GREB1L: variants seen among roughly 807,000 people sequenced by gnomAD.
GREB1L encodes the protein GREB1-like protein.
In GREB1L, 17 loss-of-function variants were observed where a neutral mutation model predicts 200.8. The observed-to-expected ratio is 0.08, with a 90% CI of 0.06 to 0.13. The LOEUF is 0.13. Among genes scored for constraint, GREB1L ranks in the 10% least tolerant of loss-of-function variants. GREB1L has a pLI of 1.00. For synonymous variants in GREB1L, 789 were observed against 893.0 expected (o/e 0.88, Z 2.08); for missense variants, 1,657 against 2,367.7 (o/e 0.70, Z 6.23).
intron 1 of GREB1L, among the ~76,000 whole-genome samples, chr18:21,295,740 G>A (rs1225976917): frequency 6.6e-6 from 1 of 152,192 alleles, no homozygotes; most frequent in Non-Finnish European, 1.5e-5. Flanking sequence ...GTCTTTCAAG[G>A]AGGGCAGGAC....
intron 3 of GREB1L, 35 bp from the exon 4 acceptor site, chr18:21,384,171 T>C: frequency 7.4e-7 from 1 of 1,356,056 alleles, no homozygotes; most frequent in African/African-American, 1.5e-5. Context: ...AAGCATCTTT[T>C]TATTAAATCT....
intron 1 of GREB1L, among the ~76,000 whole-genome samples, chr18:21,300,771 T>C (rs1266085953): frequency 6.6e-6 from 1 of 152,202 alleles, no homozygotes; most frequent in Admixed American, 6.6e-5. Flanking sequence ...AAACACTCCC[T>C]CCTCACCCCT....
chr18:21,488,347 C>T (rs1280909506), intron 18 of GREB1L, among the ~76,000 whole-genome samples: 2 of 152,156 alleles, frequency 1.3e-5, no homozygotes, highest in East Asian at 3.9e-4. Flanking sequence ...CATCTTGGTC[C>T]TTTCCAGTTC....
At chr18:21,486,952 G>A (rs1446904140) in intron 18 of GREB1L, among the ~76,000 whole-genome samples, 2 of 152,208 alleles carry the variant, frequency 1.3e-5, no homozygotes, top group African/African-American at 4.8e-5. Flanking sequence ...AAATTAAAAT[G>A]AGGACCTATG....
At chr18:21,353,456 A>G (rs560792423) in intron 1 of GREB1L, among the ~76,000 whole-genome samples, 2 of 152,102 alleles carry the variant, frequency 1.3e-5, no homozygotes, top group East Asian at 1.9e-4. Context: ...TTACTTTATT[A>G]TATATATAAT....
chr18:21,266,511 G>A (rs185691822), intron 1 of GREB1L, among the ~76,000 whole-genome samples: 58 of 152,338 alleles, frequency 3.8e-4, no homozygotes, highest in African/African-American at 1.3e-3. Flanking sequence ...AGAAGAGCCA[G>A]AGACAAGTGG....
chr18:21,344,124 G>T (rs1268691538), intron 1 of GREB1L, among the ~76,000 whole-genome samples: 1 of 152,172 alleles, frequency 6.6e-6, no homozygotes, highest in Non-Finnish European at 1.5e-5. Flanking sequence ...GCTTGAGGCT[G>T]GGTGCGGTGG....
At chr18:21,374,725 C>G (rs1016725994) in intron 2 of GREB1L, among the ~76,000 whole-genome samples, 3 of 151,764 alleles carry the variant, frequency 2.0e-5, no homozygotes, top group African/African-American at 7.3e-5. Flanking sequence ...TTTAAAAATA[C>G]TTTTAAAAAT....
intron 7 of GREB1L, among the ~76,000 whole-genome samples, chr18:21,432,080 G>A (rs572048587): frequency 3.3e-5 from 5 of 151,804 alleles, no homozygotes; most frequent in Admixed American, 2.6e-4. Flanking sequence ...CTGCCACCGC[G>A]TCCGGCTAAT....
intron 1 of GREB1L, among the ~76,000 whole-genome samples, chr18:21,255,878 T>C (rs548447069): frequency 1.2e-4 from 19 of 152,310 alleles, no homozygotes; most frequent in African/African-American, 4.6e-4. Flanking sequence ...ATAGTAAATA[T>C]GAAGTATTGA....
chr18:21,432,954 G>A (rs907836737), intron 7 of GREB1L, among the ~76,000 whole-genome samples: 5 of 151,756 alleles, frequency 3.3e-5, no homozygotes, highest in East Asian at 1.9e-4. Flanking sequence ...TAATCCACCC[G>A]CCTTGGCCTC....
At chr18:21,418,330 T>C (rs2031839407) in intron 7 of GREB1L, among the ~76,000 whole-genome samples, 1 of 152,166 alleles carries the variant, frequency 6.6e-6, no homozygotes, top group African/African-American at 2.4e-5. Context: ...AATTCCCTTA[T>C]ATAAAATGGC....
At chr18:21,320,035 G>T (rs1312414574) in intron 1 of GREB1L, among the ~76,000 whole-genome samples, 4 of 152,196 alleles carry the variant, frequency 2.6e-5, no homozygotes, top group African/African-American at 9.7e-5. Flanking sequence ...TTCTGATCAA[G>T]AAGTTAAAGC....
intron 19 of GREB1L, among the ~76,000 whole-genome samples, chr18:21,495,162 A>G (rs1273700006): frequency 6.6e-6 from 1 of 152,226 alleles, no homozygotes; most frequent in East Asian, 1.9e-4. Flanking sequence ...TAAAGCAAGA[A>G]GGAGGGAAAA....
At chr18:21,466,301 T>A (rs963937552) in intron 15 of GREB1L, among the ~76,000 whole-genome samples, 2 of 152,168 alleles carry the variant, frequency 1.3e-5, no homozygotes, top group Non-Finnish European at 2.9e-5. Context: ...GAGCACAGGT[T>A]ATGAACATTT....
At chr18:21,453,164 C>T (rs1469444431) in intron 14 of GREB1L, among the ~76,000 whole-genome samples, 2 of 152,120 alleles carry the variant, frequency 1.3e-5, no homozygotes, top group Admixed American at 6.5e-5. Context: ...GTTTAAAAAC[C>T]TTGTTTAAAG....
At chr18:21,446,232 C>T (rs918041180) in intron 11 of GREB1L, among the ~76,000 whole-genome samples, 1 of 152,178 alleles carries the variant, frequency 6.6e-6, no homozygotes. Flanking sequence ...ACCATGTTGG[C>T]CAGGCTGGTC....
At chr18:21,380,970 C>T (rs1190012907) in intron 2 of GREB1L, among the ~76,000 whole-genome samples, 1 of 152,064 alleles carries the variant, frequency 6.6e-6, no homozygotes, top group Non-Finnish European at 1.5e-5. Flanking sequence ...ACGCCGGGCG[C>T]GGTGGCTCAC....
intron 15 of GREB1L, among the ~76,000 whole-genome samples, chr18:21,458,440 C>T (rs1005213258): frequency 4.6e-4 from 70 of 152,260 alleles, no homozygotes; most frequent in Middle Eastern, 3.4e-3. Flanking sequence ...CCATTTGCCT[C>T]CTTTACTAAA....
Sources: gnomAD v4.1 joint callset for allele counts (sites outside exome capture counted in the v4.1 genomes callset) on GRCh38, gnomAD v4.1.1 for gene constraint, MANE v1.5 for transcripts, NCBI Gene and HGNC (gene_info 2026-07-23, HGNC 2026-07-21) for gene names.